The following PDE3A variants were observed in gnomAD, a reference collection of about 807,000 sequenced individuals.
PDE3A encodes phosphodiesterase 3A.
Under a neutral mutation model 98.3 loss-of-function variants are expected in PDE3A, and 43 were observed. The ratio of observed to expected loss-of-function variants is 0.44; its 90% CI spans 0.34 to 0.56. The LOEUF is 0.56. Among genes scored for constraint, PDE3A ranks in the 20% least tolerant of loss-of-function variants. PDE3A has a pLI of 0.01. For missense variants in PDE3A, 1,427 were observed against 1,440.7 expected, an observed-to-expected ratio of 0.99 and a Z score of 0.15; for synonymous variants, 663 against 567.9, an observed-to-expected ratio of 1.17 and a Z score of -2.38.
At chr12:20,624,928 C>G (rs530247875) in intron 5 of PDE3A, among the ~76,000 whole-genome samples, 10 of 152,186 alleles carry the variant, frequency 6.6e-5, no homozygotes, top group Middle Eastern at 3.4e-3. Context: ...CCCCTCGTGG[C>G]AAAGAGTGTA....
At chr12:20,639,309 C>G (rs1944593861) in intron 9 of PDE3A, among the ~76,000 whole-genome samples, 1 of 152,060 alleles carries the variant, frequency 6.6e-6, no homozygotes, top group Non-Finnish European at 1.5e-5. Context: ...AATAATGTAT[C>G]TTTTGTTCCA....
chr12:20,669,157 T>G (rs1945401409), intron 15 of PDE3A, among the ~76,000 whole-genome samples: 1 of 151,932 alleles, frequency 6.6e-6, no homozygotes. Context: ...GAAAAAAGAA[T>G]AAAAAGAAAC....
chr12:20,669,116 G>A (rs1945400169), intron 15 of PDE3A, among the ~76,000 whole-genome samples: 1 of 151,908 alleles, frequency 6.6e-6, no homozygotes, highest in Non-Finnish European at 1.5e-5. Flanking sequence ...AAGATGAAAT[G>A]AATGAAATGA....
intron 2 of PDE3A, among the ~76,000 whole-genome samples, chr12:20,576,104 G>A (rs1942927138): frequency 6.6e-6 from 1 of 151,740 alleles, no homozygotes; most frequent in Non-Finnish European, 1.5e-5. Context: ...TGGAAAATGA[G>A]GTATCCATCC....
intron 12 of PDE3A, among the ~76,000 whole-genome samples, chr12:20,648,090 T>C (rs1052733057): frequency 1.3e-5 from 2 of 151,480 alleles, no homozygotes; most frequent in Non-Finnish European, 2.9e-5. Context: ...TGTCATTTTA[T>C]GTCTCCGAAT....
intron 15 of PDE3A, among the ~76,000 whole-genome samples, chr12:20,656,354 C>T (rs1033645397): frequency 2.6e-5 from 4 of 152,216 alleles, no homozygotes; most frequent in East Asian, 1.9e-4. Context: ...CATAAGCAAA[C>T]ATAAAGAAGT....
intron 2 of PDE3A, among the ~76,000 whole-genome samples, chr12:20,574,842 C>T (rs1246865252): frequency 6.6e-6 from 1 of 151,992 alleles, no homozygotes; most frequent in Admixed American, 6.6e-5. Flanking sequence ...CAAGATATCT[C>T]AATATCATCC....
intron 1 of PDE3A, among the ~76,000 whole-genome samples, chr12:20,463,090 A>G (rs531489185): frequency 6.6e-6 from 1 of 152,294 alleles, no homozygotes; most frequent in Non-Finnish European, 1.5e-5. Context: ...ACTCTTGATT[A>G]TGCCCATGAT....
intron 1 of PDE3A, among the ~76,000 whole-genome samples, chr12:20,465,105 A>G (rs747328038): frequency 2.6e-5 from 4 of 152,182 alleles, no homozygotes; most frequent in Non-Finnish European, 5.9e-5. Flanking sequence ...ATTTAGTTAC[A>G]TATAGTTCAT....
At chr12:20,584,789 TC>T (rs1369030775) in intron 2 of PDE3A, among the ~76,000 whole-genome samples, 1 of 152,174 alleles carries the variant, frequency 6.6e-6, no homozygotes, top group East Asian at 1.9e-4. Context: ...CTGAATGTCT[TC>T]CTTTTCTGGC....
rs529954591 is a variant in PDE3A at position 20,663,486 on chromosome 12, C to G, written c.3184+9281C>G. Among the ~76,000 whole-genome samples, 7 of 152,352 alleles carry G rather than the reference C, an allele frequency of 4.6e-5. No homozygotes were observed. The East Asian group carries it at 1.4e-3, about 29-fold the overall frequency. On this transcript the variant is annotated intron_variant, in intron 15 of 15. Transcript: ENST00000359062. ...ACCCTGCAAAGCCACAGGGGCAAAG[C>G]TGCCCAAGGCTGTGGGAGCACACCT...
rs1945834534 is a variant in PDE3A, at chr12:20,682,935, G to A, written c.*2664G>A. ...CAAAGCTGTATAGTCCAACTAGTGG[G>A]GCAGCTTGGCTACTATGGTGGAAGT... On this transcript the variant is annotated 3_prime_UTR_variant, in exon 16 of 16. Transcript: ENST00000359062. 6.6e-6 allele frequency: 1 copy of A among 152,168 alleles called. No homozygotes were observed. The highest frequency in any genetic ancestry group is 1.5e-5 in the Non-Finnish European group (1 of 68,042). 9.4% of individuals were successfully genotyped at this position (152,168 alleles called of 1,614,324 possible).
intron 1 of PDE3A, among the ~76,000 whole-genome samples, chr12:20,496,125 C>A (rs1378006648): frequency 6.6e-6 from 1 of 152,150 alleles, no homozygotes; most frequent in African/African-American, 2.4e-5. Flanking sequence ...TGATTCTGTG[C>A]TACTTACTCA....
At chr12:20,677,064 G>A (rs1565474700) in intron 15 of PDE3A, among the ~76,000 whole-genome samples, 1 of 152,020 alleles carries the variant, frequency 6.6e-6, no homozygotes, top group East Asian at 1.9e-4. Flanking sequence ...ATCTGACTGG[G>A]TTATGTCAAA....
At chr12:20,508,209 G>C (rs1362968140) in intron 1 of PDE3A, among the ~76,000 whole-genome samples, 1 of 151,830 alleles carries the variant, frequency 6.6e-6, no homozygotes, top group Admixed American at 6.6e-5. Context: ...CTTCCTCTCT[G>C]CCTGTGTCTT....
At chr12:20,589,478 A>G (rs545757766) in intron 2 of PDE3A, among the ~76,000 whole-genome samples, 2 of 152,278 alleles carry the variant, frequency 1.3e-5, no homozygotes, top group Middle Eastern at 3.4e-3. Context: ...TAACAGAAGT[A>G]GAAGGTTTGC....
At chr12:20,665,351 T>A (rs1158287448) in intron 15 of PDE3A, among the ~76,000 whole-genome samples, 1 of 152,236 alleles carries the variant, frequency 6.6e-6, no homozygotes, top group Non-Finnish European at 1.5e-5. Context: ...TATTTTTTTC[T>A]GTTTAAATTG....
At chr12:20,501,690 A>G (rs1411985858) in intron 1 of PDE3A, among the ~76,000 whole-genome samples, 1 of 152,144 alleles carries the variant, frequency 6.6e-6, no homozygotes, top group Admixed American at 6.5e-5. Context: ...GCTATTTTTT[A>G]GTGATTGTAA....
At chr12:20,497,832 A>G (rs1945947442) in intron 1 of PDE3A, among the ~76,000 whole-genome samples, 1 of 152,082 alleles carries the variant, frequency 6.6e-6, no homozygotes, top group African/African-American at 2.4e-5. Context: ...GGATTACTCT[A>G]TATATTACTC....
Sources: allele counts gnomAD v4.1 joint callset (sites outside exome capture counted in the v4.1 genomes callset), GRCh38; gene constraint gnomAD v4.1.1; transcripts MANE v1.5; gene names NCBI Gene and HGNC (gene_info 2026-07-23, HGNC 2026-07-21).